The following GXYLT1 variants were observed in gnomAD, a reference collection of about 807,000 sequenced individuals.
The protein encoded by GXYLT1 is glucoside xylosyltransferase 1.
Under a neutral mutation model 54.0 loss-of-function variants are expected in GXYLT1, and 29 were observed. The observed-to-expected ratio is 0.54, with a 90% confidence interval of 0.40 to 0.73. The LOEUF (loss-of-function observed/expected upper bound fraction) is 0.73, where lower values mean the gene tolerates loss of function less well. Ranked by LOEUF, GXYLT1 falls within the 30% of genes least tolerant of loss-of-function variation. GXYLT1 has a pLI of 0.00. For missense variants in GXYLT1, 490 were observed against 553.4 expected (o/e 0.89, Z 1.15); for synonymous variants, 176 against 204.1 (o/e 0.86, Z 1.17).
chr12:42,120,858 T>C (rs2065526875), intron 2 of GXYLT1, among the ~76,000 whole-genome samples: 1 of 151,172 alleles, frequency 6.6e-6, no homozygotes, highest in Non-Finnish European at 1.5e-5. Context: ...TTTAAAGCTC[T>C]CTATTATTTT....
chr12:42,091,083 AT>A (rs1242938644), intron 7 of GXYLT1, among the ~76,000 whole-genome samples: 1 of 152,228 alleles, frequency 6.6e-6, no homozygotes, highest in Non-Finnish European at 1.5e-5. Flanking sequence ...TTGCATAAAT[AT>A]CCTTGTCTGA....
At position 42,082,519 on chromosome 12, in the gene GXYLT1, C is replaced by T. The variant is rs1301374196; in HGVS notation, c.*5267G>A. 1 of 152,206 alleles carries T rather than the reference C, an allele frequency of 6.6e-6. No individual in the cohort carries two copies. The highest frequency in any genetic ancestry group is 1.5e-5 in the Non-Finnish European group (1 of 68,066). 9.4% of individuals were successfully genotyped at this position (152,206 alleles called of 1,614,324 possible). A position where few individuals can be genotyped will look rare whatever the true frequency, so the allele number is the denominator to read the frequency against. The stretch of plus-strand genomic sequence containing the variant: ...TTTGAGACAGGGTCTCGCTCTGTCA[C>T]CCAGGCTGGAGTGCAATGGTGCAAT... On this transcript the variant is annotated 3_prime_UTR_variant, in exon 8 of 8. Coordinates refer to ENST00000398675, the MANE Select transcript of GXYLT1 (RefSeq NM_173601.2).
chr12:42,113,921 C>G (rs1486009183), intron 3 of GXYLT1, among the ~76,000 whole-genome samples: 1 of 151,736 alleles, frequency 6.6e-6, no homozygotes, highest in Admixed American at 6.5e-5. Flanking sequence ...GAAATTATAA[C>G]AAACTGTCTC....
chr12:42,087,609 C>A lies in GXYLT1; in HGVS notation c.*177G>T. ...ATAAAAAATGTTCAATGTTGAGGCCCAAGATTTTAACTTATTCTTCATTAC... is the reference window on the plus strand; with the variant it reads ...ATAAAAAATGTTCAATGTTGAGGCCAAAGATTTTAACTTATTCTTCATTAC... On this transcript the variant is annotated 3_prime_UTR_variant, in exon 8 of 8. Transcript: ENST00000398675. The A allele has an allele frequency of 1.9e-6, 1 of 526,276 alleles. No homozygotes were observed. Among genetic ancestry groups the A allele is most frequent in the Non-Finnish European group, 3.3e-6 (1 of 302,440 alleles). 32.6% of individuals were successfully genotyped at this position (526,276 alleles called of 1,614,324 possible).
intron 1 of GXYLT1, among the ~76,000 whole-genome samples, chr12:42,142,745 A>C (rs566199956): frequency 6.6e-6 from 1 of 152,286 alleles, no homozygotes; most frequent in Non-Finnish European, 1.5e-5. Context: ...TCTTAATCTA[A>C]CCATAGAGTA....
chr12:42,099,917 C>T (rs905339256), intron 5 of GXYLT1, among the ~76,000 whole-genome samples: 2 of 152,162 alleles, frequency 1.3e-5, no homozygotes, highest in African/African-American at 4.8e-5. Flanking sequence ...AAAGCTCCTA[C>T]TGTTTAGCCA....
chr12:42,101,511 C>G (rs1301672064), intron 5 of GXYLT1, among the ~76,000 whole-genome samples: 1 of 151,928 alleles, frequency 6.6e-6, no homozygotes, highest in Non-Finnish European at 1.5e-5. Flanking sequence ...ATGAAAAAAG[C>G]TGAAGATGTA....
At chr12:42,089,954 T>C (rs2065320215) in intron 7 of GXYLT1, among the ~76,000 whole-genome samples, 1 of 152,238 alleles carries the variant, frequency 6.6e-6, no homozygotes, top group African/African-American at 2.4e-5. Context: ...CAAACTACTA[T>C]GATCATTATT....
At chr12:42,102,951 AT>A (rs200165538) in intron 5 of GXYLT1, among the ~76,000 whole-genome samples, 8 of 149,878 alleles carry the variant, frequency 5.3e-5, no homozygotes, top group Middle Eastern at 3.2e-3. Context: ...AAATTTTTTA[AT>A]TTTTTTTTTC....
intron 2 of GXYLT1, among the ~76,000 whole-genome samples, chr12:42,128,048 T>C (rs763750370): frequency 3.3e-5 from 5 of 152,142 alleles, no homozygotes; most frequent in Non-Finnish European, 5.9e-5. Flanking sequence ...ATACTTACAA[T>C]GCAGTTCTTA....
chr12:42,144,523 G>C lies in GXYLT1; in HGVS notation c.124C>G (p.Gln42Glu). The C allele has an allele frequency of 4.9e-6, 7 of 1,421,570 alleles. No homozygotes were observed. The highest frequency in any genetic ancestry group is 6.5e-6 in the Non-Finnish European group (7 of 1,084,118). The allele number at this position is 1,421,570 out of a possible 1,614,324, so 88.1% of individuals were successfully genotyped here. Residue 42 changes from glutamine to glutamate, a missense_variant, in exon 1 of 8, where the codon CAG becomes GAG. Coordinates refer to ENST00000398675, the MANE Select transcript of GXYLT1 (RefSeq NM_173601.2). ...EGTGGGGGKP[Q>E]AAVASWLAGG... is the part of the protein sequence containing the mutation. ...GCGAGCCAGGAAGCCACCGCGGCCT[G>C]CGGCTTCCCGCCACCGCCGCCCGTT... is the stretch of plus-strand genomic sequence containing the variant.
Position 42,085,530 on chromosome 12 carries a change from C to T in GXYLT1, c.*2256G>A, listed in dbSNP as rs1040549591. 2 of 152,276 alleles carry T rather than the reference C, an allele frequency of 1.3e-5. No homozygotes were observed. The highest frequency in any genetic ancestry group is 4.8e-5 in the African/African-American group (2 of 41,484). 9.4% of individuals were successfully genotyped at this position (152,276 alleles called of 1,614,324 possible). A position where few individuals can be genotyped will look rare whatever the true frequency, so the allele number is the denominator to read the frequency against. On this transcript the variant is annotated 3_prime_UTR_variant, in exon 8 of 8. Transcript: ENST00000398675. ...ATATTTCAAAATCACATTTATAATC[C>T]ACCAAACGTGCCAAGAATTGTGGTA...
At chr12:42,127,021 AAATT>A (rs1416138037) in intron 2 of GXYLT1, among the ~76,000 whole-genome samples, 1 of 152,356 alleles carries the variant, frequency 6.6e-6, no homozygotes, top group East Asian at 1.9e-4. Context: ...ACTGTATAAT[AAATT>A]AATTGGGAGA....
intron 5 of GXYLT1, among the ~76,000 whole-genome samples, chr12:42,098,760 CATATATATATATAT>C (rs60199719): frequency 9.3e-5 from 9 of 96,918 alleles, no homozygotes; most frequent in Admixed American, 2.3e-4. Context: ...AAATTTAAAA[CATATATATATATAT>C]ATATATATAT....
chr12:42,129,818 G>C lies in GXYLT1; in HGVS notation c.255C>G (p.Pro85=). ...CKDFSLCYWN[P]YWMLPSDVCG... ...AAACATCAGAGGGCAGCATCCAATA[G>C]GGATTCCAGTAACACAGAGAGAAAT... Residue 85 remains proline, a synonymous_variant, in exon 2 of 8, where the codon CCC becomes CCG. Transcript: ENST00000398675. The C allele has an allele frequency of 6.2e-7, 1 of 1,613,512 alleles. No individual in the cohort carries two copies. Among genetic ancestry groups the C allele is most frequent in the Non-Finnish European group, 8.5e-7 (1 of 1,179,658 alleles).
At chr12:42,117,841 A>G (rs1357022800) in intron 3 of GXYLT1, among the ~76,000 whole-genome samples, 1 of 152,228 alleles carries the variant, frequency 6.6e-6, no homozygotes, top group South Asian at 2.1e-4. Context: ...CCACTGTAAC[A>G]GCTAGGCATG....
chr12:42,129,660 A>G (rs1028610810), intron 2 of GXYLT1, 99 bp downstream of exon 2: 2 of 719,584 alleles, frequency 2.8e-6, no homozygotes, highest in African/African-American at 3.6e-5. Flanking sequence ...TATTTGTATA[A>G]TATCATAAGA....
intron 6 of GXYLT1, 74 bp downstream of exon 6, chr12:42,097,836 G>A (rs2065365065): frequency 2.6e-6 from 3 of 1,155,480 alleles, no homozygotes; most frequent in Non-Finnish European, 3.7e-6. Context: ...AATCAGATAA[G>A]TGCATGTTTT....
chr12:42,110,392 G>A (rs776632716), intron 3 of GXYLT1, among the ~76,000 whole-genome samples: 7 of 152,038 alleles, frequency 4.6e-5, no homozygotes, highest in Non-Finnish European at 8.8e-5. Flanking sequence ...AATCTATGGG[G>A]GGGAAAAAAC....
Sources: gnomAD v4.1 joint callset for allele counts (sites outside exome capture counted in the v4.1 genomes callset) on GRCh38, gnomAD v4.1.1 for gene constraint, MANE v1.5 for transcripts, NCBI Gene and HGNC (gene_info 2026-07-23, HGNC 2026-07-21) for gene names.